Variants in RPAP3 observed in about 807,000 individuals in gnomAD.
The protein encoded by RPAP3 is RNA polymerase II-associated protein 3.
Under a neutral mutation model 88.8 loss-of-function variants are expected in RPAP3, and 58 were observed. The observed-to-expected ratio is 0.65, with a 90% CI of 0.53 to 0.81. The LOEUF (loss-of-function observed/expected upper bound fraction) is 0.81. Ranked by LOEUF, RPAP3 falls within the 40% of genes least tolerant of loss-of-function variation. The pLI is 0.00. For synonymous variants in RPAP3, 255 were observed against 259.9 expected (o/e 0.98, Z 0.18); for missense variants, 751 against 764.3 (o/e 0.98, Z 0.20).
At chr12:47,679,657 T>A (rs1266174872) in intron 11 of RPAP3, 47 bp downstream of exon 11, 1 of 1,532,170 alleles carries the variant, frequency 6.5e-7, no homozygotes, top group Admixed American at 1.7e-5. Context: ...TAAATATATT[T>A]ATGTTTCAGA....
intron 12 of RPAP3, among the ~76,000 whole-genome samples, chr12:47,671,585 G>C (rs1938998551): frequency 6.6e-6 from 1 of 152,266 alleles, no homozygotes; most frequent in South Asian, 2.1e-4. Flanking sequence ...ATTTATAACA[G>C]AATTCTTCAA....
rs936302196 is a variant in RPAP3, at chr12:47,661,429, C to T, written c.*2076G>A. 2.6e-5 allele frequency: 4 copies of T among 152,126 alleles called. No individual in the cohort carries two copies. The highest frequency in any genetic ancestry group is 4.8e-5 in the African/African-American group (2 of 41,412). 9.4% of individuals were successfully genotyped at this position (152,126 alleles called of 1,614,324 possible). The stretch of plus-strand genomic sequence containing the variant: ...CCCTGCTCCAAAAACAAAATGTGTG[C>T]ATTCATTCAATCTCACTTATACCCA... On this transcript the variant is annotated 3_prime_UTR_variant, in exon 17 of 17. Coordinates refer to ENST00000005386, the MANE Select transcript of RPAP3 (RefSeq NM_024604.3).
intron 5 of RPAP3, among the ~76,000 whole-genome samples, chr12:47,690,853 TA>T (rs1450305092): frequency 6.6e-6 from 1 of 152,190 alleles, no homozygotes; most frequent in African/African-American, 2.4e-5. Context: ...CACAAGAAAG[TA>T]AATGTCACAA....
At chr12:47,699,188 C>T (rs1325622657) in intron 3 of RPAP3, among the ~76,000 whole-genome samples, 1 of 152,212 alleles carries the variant, frequency 6.6e-6, no homozygotes, top group Non-Finnish European at 1.5e-5. Context: ...GCAAGCTATG[C>T]AGTACAATCT....
chr12:47,679,077 C>A (rs1341951978), intron 12 of RPAP3, among the ~76,000 whole-genome samples: 3 of 152,220 alleles, frequency 2.0e-5, no homozygotes, highest in South Asian at 4.1e-4. Flanking sequence ...CCATAAAAAA[C>A]GATGAGTTCA....
chr12:47,682,656 G>C (rs1939246517), intron 9 of RPAP3, among the ~76,000 whole-genome samples: 1 of 148,714 alleles, frequency 6.7e-6, no homozygotes, highest in Non-Finnish European at 1.5e-5. Flanking sequence ...TTTTGTATAA[G>C]TTTGAAAAGT....
intron 3 of RPAP3, chr12:47,699,406 A>C (rs146483869): frequency 1.3e-5 from 2 of 152,110 alleles, no homozygotes; most frequent in East Asian, 3.9e-4. Flanking sequence ...CGTGAACTTG[A>C]GAATAAATTC....
At chr12:47,684,503 G>A (rs894925564) in intron 9 of RPAP3, among the ~76,000 whole-genome samples, 2 of 152,114 alleles carry the variant, frequency 1.3e-5, no homozygotes, top group African/African-American at 4.8e-5. Context: ...CATAACAACA[G>A]TCTCCATGTA....
At chr12:47,670,392 C>T in intron 12 of RPAP3, 47 bp from the exon 13 acceptor site, 1 of 1,142,800 alleles carries the variant, frequency 8.8e-7, no homozygotes, top group Non-Finnish European at 1.3e-6. Flanking sequence ...TTAAAGGTTT[C>T]CTATTTTAGG....
At chr12:47,681,622 G>C in intron 10 of RPAP3, 74 bp downstream of exon 10, 1 of 1,466,124 alleles carries the variant, frequency 6.8e-7, no homozygotes, top group Non-Finnish European at 9.3e-7. Flanking sequence ...CCATGGGTAA[G>C]CTACATGAAT....
intron 9 of RPAP3, among the ~76,000 whole-genome samples, chr12:47,682,139 G>A (rs1939233794): frequency 6.6e-6 from 1 of 152,030 alleles, no homozygotes; most frequent in South Asian, 2.1e-4. Context: ...GTCTCAATAT[G>A]CACAGGTATT....
Position 47,669,041 on chromosome 12 carries a change from T to C in RPAP3, c.1588A>G (p.Ile530Val). ...GCAAACTGAGCAGGTTTTTGTTCTA[T>C]CTCTATGGGCATTTTCTCGCTGTAA... ...QSYSEKMPIE[I>V]EQKPAQFATT... Residue 530 changes from isoleucine to valine, a missense_variant, in exon 14 of 17, where the codon ATA becomes GTA. Transcript: ENST00000005386. 1 of 1,613,990 alleles carries C rather than the reference T, an allele frequency of 6.2e-7. No individual in the cohort carries two copies. Among genetic ancestry groups the C allele is most frequent in the South Asian group, 1.1e-5 (1 of 91,078 alleles).
At chr12:47,664,267 G>GT (rs2136601360) in intron 16 of RPAP3, among the ~76,000 whole-genome samples, 1 of 152,266 alleles carries the variant, frequency 6.6e-6, no homozygotes, top group African/African-American at 2.4e-5. Flanking sequence ...GCGGGCGCCT[G>GT]TAGTCCCAGC....
intron 16 of RPAP3, among the ~76,000 whole-genome samples, chr12:47,665,819 T>C: frequency 6.6e-6 from 1 of 151,756 alleles, no homozygotes; most frequent in South Asian, 2.1e-4. Flanking sequence ...TTTTGTATTT[T>C]TTGTAAAGAC....
chr12:47,698,154 A>C (rs1343628082), intron 3 of RPAP3, among the ~76,000 whole-genome samples: 1 of 152,234 alleles, frequency 6.6e-6, no homozygotes, highest in Non-Finnish European at 1.5e-5. Context: ...AACGAACAAA[A>C]AAAAGAGCAC....
intron 12 of RPAP3, among the ~76,000 whole-genome samples, chr12:47,670,741 T>C (rs1938981541): frequency 6.6e-6 from 1 of 152,180 alleles, no homozygotes; most frequent in Non-Finnish European, 1.5e-5. Context: ...CCAGTGGGGC[T>C]GGTGCACGGC....
chr12:47,692,741 A>T (rs1009989631), intron 5 of RPAP3, among the ~76,000 whole-genome samples: 2 of 152,250 alleles, frequency 1.3e-5, no homozygotes, highest in Non-Finnish European at 2.9e-5. Flanking sequence ...CTGGCACAAG[A>T]GGCCTAGCTT....
chr12:47,673,948 T>G (rs1000775903), intron 12 of RPAP3, among the ~76,000 whole-genome samples: 2 of 150,866 alleles, frequency 1.3e-5, no homozygotes, highest in African/African-American at 4.8e-5. Context: ...TCCTTTAATA[T>G]AAGAGAAATA....
At chr12:47,697,789 T>TA in intron 3 of RPAP3, 70 bp from the exon 4 acceptor site, 1 of 1,372,302 alleles carries the variant, frequency 7.3e-7, no homozygotes, top group Non-Finnish European at 1.0e-6. Context: ...AAAGACATAC[T>TA]AAAAAAATAC....
Sources: gnomAD v4.1 joint callset for allele counts (sites outside exome capture counted in the v4.1 genomes callset) on GRCh38, gnomAD v4.1.1 for gene constraint, MANE v1.5 for transcripts, NCBI Gene and HGNC (gene_info 2026-07-23, HGNC 2026-07-21) for gene names.